Variants in FHIT observed in about 807,000 individuals in gnomAD.
FHIT encodes bis(5'-adenosyl)-triphosphatase.
A neutral mutation model predicts 17.9 loss-of-function variants in FHIT; 19 were observed. The ratio of observed to expected loss-of-function variants is 1.06; its 90% CI spans 0.74 to 1.56. The LOEUF (loss-of-function observed/expected upper bound fraction) is 1.56, where lower values mean the gene tolerates loss of function less well. Among genes scored for constraint, FHIT ranks in the 40% most tolerant of loss-of-function variants. FHIT has a pLI of 0.00. For missense variants in FHIT, 248 were observed against 189.2 expected (o/e 1.31, Z -1.82); for synonymous variants, 81 against 69.7 (o/e 1.16, Z -0.81).
At chr3:60,479,396 G>A (rs754103183) in intron 5 of FHIT, among the ~76,000 whole-genome samples, 1 of 152,136 alleles carries the variant, frequency 6.6e-6, no homozygotes, top group Non-Finnish European at 1.5e-5. Flanking sequence ...ACCACGTAAT[G>A]ACATTTTAGT....
chr3:59,833,956 G>GT, intron 8 of FHIT, among the ~76,000 whole-genome samples: 1 of 152,278 alleles, frequency 6.6e-6, no homozygotes, highest in African/African-American at 2.4e-5. Flanking sequence ...ATGACTATAA[G>GT]TTTCCTGAGG....
rs540709731 is a variant in FHIT, at chr3:60,756,845, A to G, written c.-18+65074T>C. On this transcript the variant is annotated intron_variant, in intron 4 of 9. Transcript: ENST00000492590. Reference sequence around the variant, plus strand: ...TTTGGCCAGGTCTTTTTGTCTGTATAGCACAAACCTTGTGACCACACAGCA... The same window carrying G: ...TTTGGCCAGGTCTTTTTGTCTGTATGGCACAAACCTTGTGACCACACAGCA... 4.9e-4 allele frequency among the ~76,000 whole-genome samples: 74 copies of G among 152,324 alleles called. 1 individual carries two copies. The highest frequency in any genetic ancestry group is 1.7e-3 in the African/African-American group (72 of 41,568).
At chr3:60,006,107 A>G (rs1699912741) in intron 7 of FHIT, among the ~76,000 whole-genome samples, 2 of 152,150 alleles carry the variant, frequency 1.3e-5, no homozygotes, top group Non-Finnish European at 2.9e-5. Flanking sequence ...ACTGTGAAGT[A>G]CTCTATCGAT....
At chr3:59,867,036 G>A (rs1702685659) in intron 8 of FHIT, among the ~76,000 whole-genome samples, 1 of 150,664 alleles carries the variant, frequency 6.6e-6, no homozygotes, top group South Asian at 2.1e-4. Context: ...TTCATTAACA[G>A]GGATTGCATC....
At chr3:60,067,927 A>C (rs1702590573) in intron 5 of FHIT, among the ~76,000 whole-genome samples, 1 of 152,200 alleles carries the variant, frequency 6.6e-6, no homozygotes, top group Non-Finnish European at 1.5e-5. Flanking sequence ...TTATCCATTC[A>C]TTTGTTCATT....
chr3:60,916,100 AT>A (rs1220151775), intron 3 of FHIT, among the ~76,000 whole-genome samples: 2 of 152,198 alleles, frequency 1.3e-5, no homozygotes, highest in African/African-American at 4.8e-5. Flanking sequence ...TGATGGTCTA[AT>A]TTTATTACAA....
chr3:60,788,730 A>T (rs1252545769), intron 4 of FHIT, among the ~76,000 whole-genome samples: 3 of 152,208 alleles, frequency 2.0e-5, no homozygotes, highest in Non-Finnish European at 4.4e-5. Flanking sequence ...GTGACACTTC[A>T]TGCAAATAAA....
At chr3:59,793,582 C>G (rs548222976) in intron 8 of FHIT, among the ~76,000 whole-genome samples, 1 of 152,132 alleles carries the variant, frequency 6.6e-6, no homozygotes, top group Non-Finnish European at 1.5e-5. Flanking sequence ...GCACTGCCTC[C>G]CCAGAAGCTC....
chr3:60,184,402 T>A (rs977308522), intron 5 of FHIT, among the ~76,000 whole-genome samples: 2 of 152,154 alleles, frequency 1.3e-5, no homozygotes, highest in African/African-American at 4.8e-5. Context: ...CCTTTACTGT[T>A]TCTTATGACC....
intron 2 of FHIT, among the ~76,000 whole-genome samples, chr3:61,084,079 T>C (rs1365717742): frequency 6.6e-6 from 1 of 152,218 alleles, no homozygotes; most frequent in Admixed American, 6.5e-5. Flanking sequence ...AGATCAGCAA[T>C]CCAACTGGAA....
chr3:60,566,092 G>A (rs997179321), intron 4 of FHIT, among the ~76,000 whole-genome samples: 2 of 152,088 alleles, frequency 1.3e-5, no homozygotes, highest in African/African-American at 2.4e-5. Flanking sequence ...TCTTAATCCT[G>A]AATTCTAGTT....
intron 5 of FHIT, among the ~76,000 whole-genome samples, chr3:60,246,914 T>C (rs1705425379): frequency 6.6e-6 from 1 of 152,112 alleles, no homozygotes; most frequent in Admixed American, 6.6e-5. Context: ...AATGACAATA[T>C]AGGGCTTATA....
chr3:59,756,304 A>G (rs1701215650), intron 8 of FHIT, among the ~76,000 whole-genome samples: 1 of 152,180 alleles, frequency 6.6e-6, no homozygotes, highest in African/African-American at 2.4e-5. Context: ...CTGGGGAGGA[A>G]ATGTACCTCC....
intron 4 of FHIT, among the ~76,000 whole-genome samples, chr3:60,702,502 T>C (rs1553702433): frequency 6.6e-6 from 1 of 152,046 alleles, no homozygotes; most frequent in African/African-American, 2.4e-5. Flanking sequence ...CTAAGGATTT[T>C]ATATTTTTTG....
At chr3:59,963,588 G>C (rs113526771) in intron 7 of FHIT, among the ~76,000 whole-genome samples, 1 of 152,096 alleles carries the variant, frequency 6.6e-6, no homozygotes, top group Non-Finnish European at 1.5e-5. Flanking sequence ...CATGTTTCAC[G>C]TATCCAAGTA....
At chr3:60,709,832 T>A (rs142140386) in intron 4 of FHIT, among the ~76,000 whole-genome samples, 276 of 152,314 alleles carry the variant, frequency 1.8e-3, no homozygotes, top group Middle Eastern at 6.8e-3. Flanking sequence ...GGCCAACGGT[T>A]TACTTAAAGC....
intron 4 of FHIT, among the ~76,000 whole-genome samples, chr3:60,672,909 A>ATGTGTGTGTG (rs1559630040): frequency 6.2e-5 from 9 of 145,704 alleles, no homozygotes; most frequent in Non-Finnish European, 1.3e-4. Context: ...GTGTGTGTGC[A>ATGTGTGTGTG]TGCATGCTCT....
intron 5 of FHIT, among the ~76,000 whole-genome samples, chr3:60,076,474 C>T (rs1360891303): frequency 6.7e-6 from 1 of 149,750 alleles, no homozygotes; most frequent in Non-Finnish European, 1.5e-5. Flanking sequence ...TTTATACAAG[C>T]CACACTGTGG....
intron 5 of FHIT, among the ~76,000 whole-genome samples, chr3:60,130,299 T>C (rs989255768): frequency 2.6e-5 from 4 of 152,224 alleles, no homozygotes; most frequent in African/African-American, 7.2e-5. Context: ...AATTCTGAAA[T>C]GTTCACTATT....
Sources: allele counts gnomAD v4.1 joint callset (sites outside exome capture counted in the v4.1 genomes callset), GRCh38; gene constraint gnomAD v4.1.1; transcripts MANE v1.5; gene names NCBI Gene and HGNC (gene_info 2026-07-23, HGNC 2026-07-21).